Variants in PLEKHA1 observed in about 807,000 individuals in gnomAD.
PLEKHA1 encodes pleckstrin homology domain-containing family A member 1.
A neutral mutation model predicts 52.0 loss-of-function variants in PLEKHA1; 34 were observed. That is an observed-to-expected ratio of 0.65 (90% CI 0.50 to 0.87). The LOEUF (loss-of-function observed/expected upper bound fraction) is 0.87. PLEKHA1 is among the 40% of genes least tolerant of loss of function. The probability of loss-of-function intolerance (pLI) is 0.00; values close to 1 mark genes in which losing one functional copy is unlikely to be tolerated. For synonymous variants in PLEKHA1, 163 were observed against 170.7 expected, an observed-to-expected ratio of 0.95 and a Z score of 0.35; for missense variants, 497 against 504.2, an observed-to-expected ratio of 0.99 and a Z score of 0.14.
At chr10:122,381,096 T>G (rs2096608373) in intron 1 of PLEKHA1, among the ~76,000 whole-genome samples, 1 of 152,194 alleles carries the variant, frequency 6.6e-6, no homozygotes, top group Non-Finnish European at 1.5e-5. Context: ...GTGTACGTGT[T>G]TATTGAGTGA....
intron 2 of PLEKHA1, among the ~76,000 whole-genome samples, chr10:122,394,678 T>C (rs1407240605): frequency 1.3e-5 from 2 of 152,218 alleles, no homozygotes; most frequent in Non-Finnish European, 2.9e-5. Flanking sequence ...TAGATACTAA[T>C]GTGTGTATGT....
intron 1 of PLEKHA1, among the ~76,000 whole-genome samples, chr10:122,386,112 A>G (rs1219394690): frequency 2.0e-5 from 3 of 152,206 alleles, no homozygotes; most frequent in Admixed American, 2.0e-4. Context: ...AATATATGAT[A>G]GTTCGTTTAT....
chr10:122,387,617 A>G (rs1020151425), intron 1 of PLEKHA1: 1 of 152,216 alleles, frequency 6.6e-6, no homozygotes, highest in Non-Finnish European at 1.5e-5. Context: ...GAAGGAGCTC[A>G]TTTGGGCAGC....
intron 10 of PLEKHA1, chr10:122,425,527 T>G (rs920130634): frequency 6.6e-6 from 1 of 152,212 alleles, no homozygotes; most frequent in African/African-American, 2.4e-5. Flanking sequence ...GAGACCAGCC[T>G]GGGCAACATG....
At chr10:122,419,285 T>C in intron 8 of PLEKHA1, 1 of 152,192 alleles carries the variant, frequency 6.6e-6, no homozygotes, top group East Asian at 1.9e-4. Flanking sequence ...TTGTAGTCTT[T>C]TATGATCACA....
chr10:122,410,342 G>GA (rs1327668250), intron 5 of PLEKHA1, among the ~76,000 whole-genome samples: 1 of 152,154 alleles, frequency 6.6e-6, no homozygotes, highest in Non-Finnish European at 1.5e-5. Context: ...GAAAGCCAAG[G>GA]AAAGGGAGAG....
chr10:122,441,399 G>A, the PLEKHA1 span: 1 of 152,106 alleles, frequency 6.6e-6, no homozygotes, highest in Non-Finnish European at 1.5e-5. Context: ...TTGAGCCTGG[G>A]AGATCAAGGC....
chr10:122,380,735 C>G (rs186159708), intron 1 of PLEKHA1, among the ~76,000 whole-genome samples: 1 of 152,068 alleles, frequency 6.6e-6, no homozygotes, highest in Non-Finnish European at 1.5e-5. Flanking sequence ...TAAAAAAGTA[C>G]TGATGCCTGG....
rs1382940439 is a variant in PLEKHA1, at chr10:122,431,162, T to G, written c.*1224T>G. 6.6e-6 allele frequency: 1 copy of G among 151,818 alleles called. No individual in the cohort carries two copies. The highest frequency in any genetic ancestry group is 2.4e-5 in the African/African-American group (1 of 41,358). The allele number at this position is 151,818 out of a possible 1,614,324, so 9.4% of individuals were successfully genotyped here. The stretch of plus-strand genomic sequence containing the variant: ...TGGAGACGGGCTCTCGCTCTGTTGC[T>G]CAGGCTGGAGTGCAGTGGCGTGATC... On this transcript the variant is annotated 3_prime_UTR_variant, in exon 12 of 12. Coordinates refer to ENST00000368990, the MANE Select transcript of PLEKHA1 (RefSeq NM_001001974.4).
chr10:122,431,757 C>T lies in PLEKHA1; in HGVS notation c.*1819C>T, dbSNP rs1175215952. 2.0e-5 allele frequency: 3 copies of T among 152,648 alleles called. No homozygotes were observed. Among genetic ancestry groups the T allele is most frequent in the East Asian group, 1.9e-4 (1 of 5,192 alleles). 9.5% of individuals were successfully genotyped at this position (152,648 alleles called of 1,614,324 possible). A position where few individuals can be genotyped will look rare whatever the true frequency, so the allele number is the denominator to read the frequency against. Reference sequence around the variant, plus strand: ...TTACATTAAGATTTTTTCTCTTTTGCAGCTACATTTGAAAGTGATAGAATA... The same window carrying T: ...TTACATTAAGATTTTTTCTCTTTTGTAGCTACATTTGAAAGTGATAGAATA... On this transcript the variant is annotated 3_prime_UTR_variant, in exon 12 of 12. Coordinates refer to ENST00000368990, the MANE Select transcript of PLEKHA1 (RefSeq NM_001001974.4).
In PLEKHA1 at chr10:122,393,379, G is replaced by A. The variant is rs1590390574; in HGVS notation, c.141+38G>A. On this transcript the variant is annotated intron_variant, in intron 2 of 11. Coordinates refer to ENST00000368990, the MANE Select transcript of PLEKHA1 (RefSeq NM_001001974.4). This position sits in a 1 kb window ranked among gnomAD's most constrained non-coding sequence, Gnocchi z 4.5. ...CCAAGGATTATCTTTTAAAAGCACA[G>A]AAAGTTGTATTTAAGTATTTAACAT... is the stretch of plus-strand genomic sequence containing the variant. 1.3e-6 allele frequency: 2 copies of A among 1,560,364 alleles called. No individual in the cohort carries two copies. Among genetic ancestry groups the A allele is most frequent in the Non-Finnish European group, 1.7e-6 (2 of 1,155,466 alleles).
intron 5 of PLEKHA1, among the ~76,000 whole-genome samples, chr10:122,407,679 G>C (rs2097041936): frequency 6.6e-6 from 1 of 152,170 alleles, no homozygotes; most frequent in African/African-American, 2.4e-5. Flanking sequence ...CACTTTTGTA[G>C]AGAAATACAT....
Position 122,397,547 on chromosome 10 carries a change from C to A in PLEKHA1, c.142-371C>A, listed in dbSNP as rs1214410552. Among the ~76,000 whole-genome samples, 3 of 152,080 alleles carry A rather than the reference C, an allele frequency of 2.0e-5. No individual in the cohort carries two copies. In the South Asian group the frequency reaches 6.2e-4, roughly 31 times the overall value. On this transcript the variant is annotated intron_variant, in intron 2 of 11. Transcript: ENST00000368990. ...AATAGAACAAAGTAATATGTATAGT[C>A]TTTTTAAGTATCTTACAATTATATT...
chr10:122,396,833 T>G (rs1205248989), intron 2 of PLEKHA1, among the ~76,000 whole-genome samples: 1 of 152,088 alleles, frequency 6.6e-6, no homozygotes, highest in East Asian at 1.9e-4. Flanking sequence ...TATTCTTGAT[T>G]TGTTTTCCCC....
At chr10:122,388,115 T>C (rs955718597) in intron 1 of PLEKHA1, 5 of 152,222 alleles carry the variant, frequency 3.3e-5, no homozygotes, top group African/African-American at 1.2e-4. Context: ...CTATCACCTA[T>C]ATCTACTGTC....
chr10:122,438,585 G>A, the PLEKHA1 span: 1 of 152,320 alleles, frequency 6.6e-6, no homozygotes, highest in African/African-American at 2.4e-5. Context: ...GGAAAGGTGT[G>A]AAAGGCATGA....
intron 1 of PLEKHA1, among the ~76,000 whole-genome samples, chr10:122,388,153 C>G (rs1325660083): frequency 6.6e-6 from 1 of 152,212 alleles, no homozygotes; most frequent in Non-Finnish European, 1.5e-5. Flanking sequence ...TGTTAAGCAG[C>G]TCTTCTGCAT....
chr10:122,377,935 GA>G (rs1477871645), intron 1 of PLEKHA1, among the ~76,000 whole-genome samples: 4 of 152,148 alleles, frequency 2.6e-5, no homozygotes, highest in Admixed American at 6.5e-5. Context: ...AGTCATTTAA[GA>G]TTTTTTTAAG....
chr10:122,434,314 A>G (rs1234497908), downstream of PLEKHA1: 2 of 152,182 alleles, frequency 1.3e-5, no homozygotes, highest in Non-Finnish European at 2.9e-5. Flanking sequence ...CTAACAATAC[A>G]TGGTTCAAGG....
Sources: allele counts gnomAD v4.1 joint callset (sites outside exome capture counted in the v4.1 genomes callset), GRCh38; gene constraint gnomAD v4.1.1; non-coding constraint Gnocchi (gnomAD v3.1); transcripts MANE v1.5; gene names NCBI Gene and HGNC (gene_info 2026-07-23, HGNC 2026-07-21).